The following PIP5K1C variants were observed in gnomAD, a reference collection of about 807,000 sequenced individuals.
The protein encoded by PIP5K1C is phosphatidylinositol 4-phosphate 5-kinase type-1 gamma.
In PIP5K1C, 45 loss-of-function variants were observed where a neutral mutation model predicts 80.1. That is an observed-to-expected ratio of 0.56 (90% confidence interval 0.44 to 0.72). PIP5K1C has a LOEUF of 0.72. Among genes scored for constraint, PIP5K1C ranks in the 30% least tolerant of loss-of-function variants. The pLI is 0.00. For synonymous variants in PIP5K1C, 498 were observed against 420.1 expected (o/e 1.19, Z -2.27); for missense variants, 753 against 954.6 (o/e 0.79, Z 2.78).
chr19:3,666,663 GCACA>G (rs1027060328), intron 2 of PIP5K1C, among the ~76,000 whole-genome samples: 5 of 146,742 alleles, frequency 3.4e-5, no homozygotes, highest in African/African-American at 5.1e-5. Flanking sequence ...ACGCAAACAT[GCACA>G]CACACAAACG....
intron 5 of PIP5K1C, among the ~76,000 whole-genome samples, chr19:3,656,837 G>A (rs958582635): frequency 3.3e-5 from 5 of 152,342 alleles, no homozygotes; most frequent in Non-Finnish European, 7.3e-5. Context: ...TGATCGCACC[G>A]GGGTGCTGAC....
chr19:3,688,732 AAGAG>A lies in PIP5K1C; in HGVS notation c.94+11561_94+11564del, dbSNP rs140253409. ...TTGCTCAAACAGGACTGAGAGCGGA[AAGAG>A]AGAGAGAGAGAGGAGAGTGGGGGGA... On this transcript the variant is annotated intron_variant, in intron 1 of 17. Transcript: ENST00000335312. This position sits in a 1 kb window ranked among gnomAD's most constrained non-coding sequence, Gnocchi z 5.3. Among the ~76,000 whole-genome samples, 14 of 150,486 alleles carry A rather than the reference AAGAG, an allele frequency of 9.3e-5. No homozygotes were observed. Among genetic ancestry groups the A allele is most frequent in the East Asian group, 2.0e-4 (1 of 5,108 alleles).
rs1314865903 is a variant in PIP5K1C, at chr19:3,700,408, G to A, written c.-18C>T. The A allele has an allele frequency of 1.8e-6, 2 of 1,098,726 alleles. No individual in the cohort carries two copies. The highest frequency in any genetic ancestry group is 4.9e-5 in the Admixed American group (1 of 20,560). The allele number at this position is 1,098,726 out of a possible 1,614,324, so 68.1% of individuals were successfully genotyped here. A position where few individuals can be genotyped will look rare whatever the true frequency, so the allele number is the denominator to read the frequency against. On this transcript the variant is annotated 5_prime_UTR_variant, in exon 1 of 18. Transcript: ENST00000335312. ...AGCTCCATGGCCGCGCGCGGACGGCGGCGGGGGCGCCCGAGGGGGACCCGA... is the reference window on the plus strand; with the variant it reads ...AGCTCCATGGCCGCGCGCGGACGGCAGCGGGGGCGCCCGAGGGGGACCCGA...
intron 10 of PIP5K1C, among the ~76,000 whole-genome samples, chr19:3,646,853 G>A (rs771874980): frequency 1.3e-5 from 2 of 152,138 alleles, no homozygotes; most frequent in Non-Finnish European, 2.9e-5. Flanking sequence ...GGTACTCTGC[G>A]TTTGTGGAGT....
chr19:3,669,053 G>A (rs973722385), intron 1 of PIP5K1C, among the ~76,000 whole-genome samples: 33 of 152,274 alleles, frequency 2.2e-4, no homozygotes, highest in African/African-American at 7.7e-4. Context: ...CTGTGGGTCA[G>A]GGCTGACTCC....
intron 1 of PIP5K1C, among the ~76,000 whole-genome samples, chr19:3,673,187 C>G (rs1265065346): frequency 6.6e-6 from 1 of 152,182 alleles, no homozygotes; most frequent in Admixed American, 6.5e-5. Context: ...CTCCAGCACG[C>G]CAGCGCCACC....
chr19:3,662,122 C>A, intron 3 of PIP5K1C, 121 bp from the exon 4 acceptor site: 2 of 1,265,938 alleles, frequency 1.6e-6, no homozygotes, highest in Non-Finnish European at 2.2e-6. Context: ...ACCTGCCAAC[C>A]CCCTCCTGGT....
Position 3,648,726 on chromosome 19 carries a change from G to C in PIP5K1C, c.1128-18C>G. 2 of 1,609,378 alleles carry C rather than the reference G, an allele frequency of 1.2e-6. No homozygotes were observed. Among genetic ancestry groups the C allele is most frequent in the Non-Finnish European group, 1.7e-6 (2 of 1,176,686 alleles). ...CGCCCATCCTGGGGAGAGAGGCCGA[G>C]GGTACCATCAGCATCCCGCAGAGCT... is the stretch of plus-strand genomic sequence containing the variant. On this transcript the variant is annotated intron_variant, in intron 8 of 17. Transcript: ENST00000335312. This position sits in a 1 kb window ranked among gnomAD's most constrained non-coding sequence, Gnocchi z 4.3.
chr19:3,645,217 C>T (rs1011156693), intron 11 of PIP5K1C, among the ~76,000 whole-genome samples: 1 of 152,164 alleles, frequency 6.6e-6, no homozygotes, highest in Admixed American at 6.5e-5. Context: ...ATCATTCATG[C>T]CCCCCACCAG....
rs1430883132 is a variant in PIP5K1C at position 3,692,054 on chromosome 19, G to A, written c.94+8243C>T. 3.3e-5 allele frequency among the ~76,000 whole-genome samples: 5 copies of A among 152,200 alleles called. No homozygotes were observed. Among genetic ancestry groups the A allele is most frequent in the African/African-American group, 9.7e-5 (4 of 41,440 alleles). On this transcript the variant is annotated intron_variant, in intron 1 of 17. Transcript: ENST00000335312. This position sits in a 1 kb window ranked among gnomAD's most constrained non-coding sequence, Gnocchi z 5.2. ...GCACCGCACGGGAAGGGTGCACAGT[G>A]GGAGCTGCCCGCTCACGTCCCTGTC...
At chr19:3,642,987 C>T in intron 13 of PIP5K1C, 48 bp from the exon 14 acceptor site, 6 of 1,606,060 alleles carry the variant, frequency 3.7e-6, no homozygotes, top group Non-Finnish European at 5.1e-6. Flanking sequence ...GAGTGGCCCG[C>T]CTGCTCAGTC....
chr19:3,678,234 GGAT>G (rs1294083201), intron 1 of PIP5K1C, among the ~76,000 whole-genome samples: 2 of 133,940 alleles, frequency 1.5e-5, no homozygotes, highest in Admixed American at 7.3e-5. Flanking sequence ...GAGGGATGGA[GGAT>G]GGAGGAATGG....
At chr19:3,642,728 T>TA (rs1455996956) in intron 14 of PIP5K1C, among the ~76,000 whole-genome samples, 179 bp downstream of exon 14, 1 of 151,186 alleles carries the variant, frequency 6.6e-6, no homozygotes, top group African/African-American at 2.4e-5. Context: ...GCTCTGGCTG[T>TA]AAGAAAAACA....
At chr19:3,659,333 C>T (rs575221497) in intron 5 of PIP5K1C, among the ~76,000 whole-genome samples, 4 of 152,362 alleles carry the variant, frequency 2.6e-5, no homozygotes, top group South Asian at 2.1e-4. Flanking sequence ...CAGAAGGATT[C>T]GGGGGTCACC....
At chr19:3,638,012 G>A (rs1296731251) in intron 16 of PIP5K1C, 4 of 1,510,274 alleles carry the variant, frequency 2.6e-6, no homozygotes, top group Non-Finnish European at 3.5e-6. Context: ...CGCCACTGGA[G>A]ACAGAGCAGG....
At position 3,632,730 on chromosome 19, in the gene PIP5K1C, C is replaced by T. The variant is rs575997678; in HGVS notation, c.*437G>A. ...CCCCTCTGCAGGCCGATGGGGCCCC[C>T]GGGGCTCAGGTCCCCAGAGGCCACC... On this transcript the variant is annotated 3_prime_UTR_variant, in exon 18 of 18. Transcript: ENST00000335312. The T allele has an allele frequency of 3.4e-4, 58 of 171,874 alleles. 1 individual carries two copies. Among genetic ancestry groups the T allele is most frequent in the Non-Finnish European group, 5.2e-4 (42 of 81,304 alleles). The allele number at this position is 171,874 out of a possible 1,614,324, so 10.6% of individuals were successfully genotyped here. A position where few individuals can be genotyped will look rare whatever the true frequency, so the allele number is the denominator to read the frequency against.
Position 3,637,892 on chromosome 19 carries a change from A to G in PIP5K1C, c.1920+992T>C, listed in dbSNP as rs890354605. ...GTACCATCCGGAGACCAGGACGCGC[A>G]CAAACCAGTCCCAGGAAAAGGGGTG... On this transcript the variant is annotated intron_variant, in intron 16 of 17. Coordinates refer to ENST00000335312, the MANE Select transcript of PIP5K1C (RefSeq NM_012398.3). This position sits in a 1 kb window ranked among gnomAD's most constrained non-coding sequence, Gnocchi z 7.0. 7.2e-6 allele frequency: 11 copies of G among 1,535,234 alleles called. No individual in the cohort carries two copies. The African/African-American group carries it at 1.2e-4, about 17-fold the overall frequency.
rs977765221 is a variant in PIP5K1C at position 3,637,359 on chromosome 19, C to A, written c.1920+1525G>T. On this transcript the variant is annotated intron_variant, in intron 16 of 17. Transcript: ENST00000335312. The surrounding 1 kb of genome is among the most constrained non-coding windows in gnomAD (Gnocchi z 7.0). ...ATGACATTCCCAGTGACGCATGCAGCCCAGCGCCTGGTCCGGGGCCAGCGT... is the reference window on the plus strand; with the variant it reads ...ATGACATTCCCAGTGACGCATGCAGACCAGCGCCTGGTCCGGGGCCAGCGT... The A allele has an allele frequency of 9.8e-6, 15 of 1,535,102 alleles. No homozygotes were observed. In the African/African-American group the frequency reaches 2.1e-4, roughly 21 times the overall value.
chr19:3,687,002 G>T (rs1426714221), intron 1 of PIP5K1C, among the ~76,000 whole-genome samples: 2 of 152,100 alleles, frequency 1.3e-5, no homozygotes, highest in African/African-American at 4.8e-5. Flanking sequence ...AGAGCAGCCT[G>T]GCCAACATGG....
Sources: allele counts gnomAD v4.1 joint callset (sites outside exome capture counted in the v4.1 genomes callset), GRCh38; gene constraint gnomAD v4.1.1; non-coding constraint Gnocchi (gnomAD v3.1); transcripts MANE v1.5; gene names NCBI Gene and HGNC (gene_info 2026-07-23, HGNC 2026-07-21).